The following DTNA variants were observed in gnomAD, a reference collection of about 807,000 sequenced individuals.
DTNA encodes the protein dystrophin-related protein 3.
DTNA carries 43 observed loss-of-function variants against 100.7 expected under a neutral mutation model. That is an observed-to-expected ratio of 0.43 (90% CI 0.33 to 0.55). The LOEUF (loss-of-function observed/expected upper bound fraction) is 0.55, where lower values mean the gene tolerates loss of function less well. DTNA is among the 20% of genes least tolerant of loss of function. The pLI is 0.04. For missense variants in DTNA, 798 were observed against 953.9 expected (o/e 0.84, Z 2.15); for synonymous variants, 349 against 347.9 (o/e 1.00, Z -0.04).
chr18:34,873,204 T>C (rs2096782331), intron 17 of DTNA, among the ~76,000 whole-genome samples: 1 of 152,214 alleles, frequency 6.6e-6, no homozygotes. Flanking sequence ...AGTGGAGTTA[T>C]ATTATTATTG....
chr18:34,786,323 T>G (rs1190612931), intron 3 of DTNA, among the ~76,000 whole-genome samples: 1 of 152,226 alleles, frequency 6.6e-6, no homozygotes, highest in Non-Finnish European at 1.5e-5. Context: ...AAACCCGGTG[T>G]GTAAACTAAT....
At chr18:34,550,254 G>C (rs146767598) in intron 1 of DTNA, among the ~76,000 whole-genome samples, 1 of 152,052 alleles carries the variant, frequency 6.6e-6, no homozygotes, top group Non-Finnish European at 1.5e-5. Context: ...TTTTCTCCGC[G>C]ATCCTTCTGT....
chr18:34,725,872 G>C (rs909171969), intron 1 of DTNA, among the ~76,000 whole-genome samples: 1 of 152,180 alleles, frequency 6.6e-6, no homozygotes, highest in African/African-American at 2.4e-5. Flanking sequence ...TGATAGACTG[G>C]ATTAAGAAAA....
intron 1 of DTNA, among the ~76,000 whole-genome samples, chr18:34,665,560 C>T (rs961079199): frequency 6.6e-6 from 1 of 152,146 alleles, no homozygotes; most frequent in Admixed American, 6.6e-5. Context: ...TCTCCTAATG[C>T]TATCCCTCCC....
intron 5 of DTNA, among the ~76,000 whole-genome samples, chr18:34,809,798 C>T (rs529945337): frequency 7.9e-5 from 12 of 152,210 alleles, no homozygotes; most frequent in African/African-American, 2.9e-4. Context: ...ATTTTCTTAA[C>T]GCTTTAAAAT....
At chr18:34,556,179 A>G (rs1431805617) in intron 1 of DTNA, among the ~76,000 whole-genome samples, 1 of 151,388 alleles carries the variant, frequency 6.6e-6, no homozygotes, top group Admixed American at 6.6e-5. Flanking sequence ...TTTATCAGAG[A>G]CTAGGATTGC....
intron 17 of DTNA, chr18:34,868,736 T>TA (rs922669212): frequency 2.4e-5 from 24 of 984,764 alleles, no homozygotes; most frequent in Non-Finnish European, 2.9e-5. Context: ...GAACATGAAT[T>TA]AAAAAAAATA....
At chr18:34,881,947 A>C (rs2096877628) in intron 20 of DTNA, 122 bp from the exon 21 acceptor site, 1 of 1,371,034 alleles carries the variant, frequency 7.3e-7, no homozygotes, top group Admixed American at 1.8e-5. Flanking sequence ...AGAAGACATG[A>C]AAGTGACTTG....
chr18:34,538,281 A>G (rs925165946), intron 1 of DTNA, among the ~76,000 whole-genome samples: 4 of 152,082 alleles, frequency 2.6e-5, no homozygotes, highest in Non-Finnish European at 5.9e-5. Context: ...GTTGGGGCCC[A>G]GCAATCCAGT....
intron 1 of DTNA, among the ~76,000 whole-genome samples, chr18:34,608,802 A>G (rs1040496128): frequency 1.3e-5 from 2 of 152,184 alleles, no homozygotes; most frequent in African/African-American, 4.8e-5. Context: ...TCAATCAACC[A>G]TGCAGAATAT....
At chr18:34,631,703 GA>G (rs2058098141) in intron 1 of DTNA, among the ~76,000 whole-genome samples, 2 of 152,328 alleles carry the variant, frequency 1.3e-5, no homozygotes, top group East Asian at 1.9e-4. Flanking sequence ...CATGATTTCA[GA>G]GTTGGTCAAT....
rs1454166160 is a variant in DTNA, at chr18:34,641,155, G to A, written c.-1-114821G>A. Among the ~76,000 whole-genome samples, 11 of 152,196 alleles carry A rather than the reference G, an allele frequency of 7.2e-5. 1 individual carries two copies. In the South Asian group the frequency reaches 1.0e-3, roughly 14 times the overall value. ...AATATATGAATATAAGGGTAAGACA[G>A]ATAATAATCTTAACTATCTATTGAA... On this transcript the variant is annotated intron_variant, in intron 1 of 19. Coordinates refer to the DTNA transcript ENST00000283365.
chr18:34,698,381 G>C (rs1600393256), intron 1 of DTNA, among the ~76,000 whole-genome samples: 1 of 152,214 alleles, frequency 6.6e-6, no homozygotes, highest in African/African-American at 2.4e-5. Flanking sequence ...AGGTTCTGCG[G>C]AAGAATCCCC....
intron 1 of DTNA, among the ~76,000 whole-genome samples, chr18:34,528,148 G>A (rs781669222): frequency 2.0e-5 from 3 of 152,068 alleles, no homozygotes; most frequent in East Asian, 1.9e-4. Flanking sequence ...AAGGCATGCC[G>A]TTGAAACCTG....
At chr18:34,561,152 C>T (rs1473100332) in intron 1 of DTNA, among the ~76,000 whole-genome samples, 1 of 152,002 alleles carries the variant, frequency 6.6e-6, no homozygotes, top group African/African-American at 2.4e-5. Flanking sequence ...CTATTTTTTT[C>T]AAGATGTGGC....
At chr18:34,581,944 T>A (rs968592976) in intron 1 of DTNA, among the ~76,000 whole-genome samples, 3 of 152,130 alleles carry the variant, frequency 2.0e-5, no homozygotes, top group African/African-American at 7.2e-5. Context: ...TTTTGTAGGA[T>A]CTGAGGCACA....
chr18:34,884,076 T>G (rs1555895830), intron 21 of DTNA, among the ~76,000 whole-genome samples: 1 of 152,274 alleles, frequency 6.6e-6, no homozygotes, highest in Non-Finnish European at 1.5e-5. Context: ...TCCTCAGGGA[T>G]GGCATTCCTA....
chr18:34,724,728 C>T (rs554517693), intron 1 of DTNA, among the ~76,000 whole-genome samples: 2 of 152,268 alleles, frequency 1.3e-5, no homozygotes, highest in East Asian at 3.9e-4. Flanking sequence ...TCCCACTAGG[C>T]CCACCTCCAA....
intron 1 of DTNA, among the ~76,000 whole-genome samples, chr18:34,712,766 A>G (rs2146555024): frequency 6.6e-6 from 1 of 152,268 alleles, no homozygotes; most frequent in African/African-American, 2.4e-5. Flanking sequence ...TTAACATTTT[A>G]GCTTTAATCT....
Sources: gnomAD v4.1 joint callset for allele counts (sites outside exome capture counted in the v4.1 genomes callset) on GRCh38, gnomAD v4.1.1 for gene constraint, MANE v1.5 for transcripts, NCBI Gene and HGNC (gene_info 2026-07-23, HGNC 2026-07-21) for gene names.